The following PRSS48 variants were observed in gnomAD, a reference collection of about 807,000 sequenced individuals.
PRSS48 encodes epidermis-specific serine protease-like protein.
A neutral mutation model predicts 25.6 loss-of-function variants in PRSS48; 21 were observed. The observed-to-expected ratio is 0.82, with a 90% CI of 0.58 to 1.18. The LOEUF (loss-of-function observed/expected upper bound fraction) is 1.18, where lower values mean the gene tolerates loss of function less well. Ranked by LOEUF, PRSS48 falls within the 50% of genes most tolerant of loss-of-function variation. PRSS48 has a pLI of 0.00. For synonymous variants in PRSS48, 150 were observed against 149.3 expected (o/e 1.00, Z -0.04); for missense variants, 373 against 399.3 (o/e 0.93, Z 0.56).
intron 4 of PRSS48, among the ~76,000 whole-genome samples, chr4:151,286,184 G>GAAAAAAAAAA (rs56850648): frequency 3.3e-3 from 288 of 86,264 alleles, no homozygotes; most frequent in Non-Finnish European, 4.2e-3. Flanking sequence ...CTGTCTTAAA[G>GAAAAAAAAAA]AAAAAAAAAA....
At chr4:151,285,600 C>T (rs778647940) in intron 4 of PRSS48, among the ~76,000 whole-genome samples, 13 of 152,116 alleles carry the variant, frequency 8.5e-5, no homozygotes, top group East Asian at 1.9e-4. Flanking sequence ...TAAATGCCTA[C>T]GTTAAACAAT....
At chr4:151,278,768 C>A (rs2150005049) in intron 1 of PRSS48, among the ~76,000 whole-genome samples, 1 of 152,266 alleles carries the variant, frequency 6.6e-6, no homozygotes, top group Middle Eastern at 3.4e-3. Context: ...GTAGCTGGGA[C>A]TACAGGCATG....
chr4:151,280,220 C>CGTAA (rs3056171), intron 2 of PRSS48, among the ~76,000 whole-genome samples: 52,443 of 135,652 alleles, frequency 0.39, 10,182 homozygotes, highest in Non-Finnish European at 0.51. Flanking sequence ...AGATTTTTGT[C>CGTAA]GTGTTTTTGG....
intron 1 of PRSS48, among the ~76,000 whole-genome samples, chr4:151,278,843 G>A (rs1230497406): frequency 6.6e-6 from 1 of 152,156 alleles, no homozygotes; most frequent in East Asian, 1.9e-4. Context: ...ATGTTGCCCA[G>A]GCTGGTTTTG....
At chr4:151,279,181 G>A in intron 1 of PRSS48, 1 of 343,660 alleles carries the variant, frequency 2.9e-6, no homozygotes, top group Non-Finnish European at 5.5e-6. Flanking sequence ...GAGTATACAG[G>A]TCACCAGCAC....
intron 4 of PRSS48, among the ~76,000 whole-genome samples, chr4:151,287,983 A>G (rs1774985399): frequency 6.6e-6 from 1 of 152,216 alleles, no homozygotes; most frequent in African/African-American, 2.4e-5. Context: ...AAATCAATCA[A>G]TGTTAATATA....
intron 3 of PRSS48, among the ~76,000 whole-genome samples, chr4:151,282,712 G>A (rs1265828415): frequency 3.3e-5 from 5 of 152,094 alleles, no homozygotes; most frequent in African/African-American, 9.7e-5. Flanking sequence ...TTTGGAGAGC[G>A]TCTAGTGTTT....
At chr4:151,277,606 A>G (rs1773765684) in intron 1 of PRSS48, among the ~76,000 whole-genome samples, 1 of 152,306 alleles carries the variant, frequency 6.6e-6, no homozygotes, top group Non-Finnish European at 1.5e-5. Flanking sequence ...ATTTGAGCAG[A>G]ACTGAAGGGG....
At chr4:151,282,384 C>A (rs542676890) in exon 3 of PRSS48, 2 of 1,613,744 alleles carry the variant, frequency 1.2e-6, no homozygotes, top group South Asian at 2.2e-5. Context: ...TGTTGGGTGA[C>A]CGGATGGGGA....
At chr4:151,282,032 G>A (rs1774284490) in intron 2 of PRSS48, 116 bp from the exon 3 acceptor site, 4 of 1,027,262 alleles carry the variant, frequency 3.9e-6, no homozygotes, top group Non-Finnish European at 5.8e-6. Flanking sequence ...GAAGCACCAT[G>A]GTTAATTCCC....
intron 4 of PRSS48, among the ~76,000 whole-genome samples, 155 bp from the exon 5 acceptor site, chr4:151,290,963 T>A (rs1461664449): frequency 6.6e-6 from 1 of 152,256 alleles, no homozygotes; most frequent in Non-Finnish European, 1.5e-5. Context: ...ATTCCTGTGA[T>A]ATCTCCCTAA....
exon 3 of PRSS48, chr4:151,282,304 C>A: frequency 4.3e-6 from 7 of 1,613,954 alleles, no homozygotes; most frequent in Non-Finnish European, 5.1e-6. Flanking sequence ...CCTCTCAAGT[C>A]ACCTTCACTT....
intron 4 of PRSS48, among the ~76,000 whole-genome samples, chr4:151,290,720 G>C (rs1266566696): frequency 2.6e-5 from 4 of 152,124 alleles, no homozygotes; most frequent in Non-Finnish European, 5.9e-5. Context: ...AACAAGACTA[G>C]AAGACTACTA....
chr4:151,282,172 T>TG lies in PRSS48; in HGVS notation c.241dup (p.Val81GlyfsTer10). On this transcript the variant is annotated frameshift_variant, in exon 3 of 5. Transcript: ENST00000455694. LOFTEE classifies it high-confidence loss of function. ...GGACCTGGACTACTTTTTCATATAC[T>TG]GTGTGGCTAGGATCGATTACAGTAG... 6.2e-7 allele frequency: 1 copy of TG among 1,613,916 alleles called. No individual in the cohort carries two copies. Among genetic ancestry groups the TG allele is most frequent in the Non-Finnish European group, 8.5e-7 (1 of 1,179,856 alleles).
intron 4 of PRSS48, among the ~76,000 whole-genome samples, chr4:151,286,050 G>C (rs1310930573): frequency 6.7e-6 from 1 of 148,560 alleles, no homozygotes; most frequent in Non-Finnish European, 1.5e-5. Flanking sequence ...AAAAAAATCA[G>C]CCAGGCATGG....
exon 2 of PRSS48, chr4:151,279,848 T>C: frequency 6.2e-7 from 1 of 1,604,840 alleles, no homozygotes. Flanking sequence ...AGGATGCTGC[T>C]GCAGGGCGCT....
chr4:151,283,173 G>A, exon 4 of PRSS48: 1 of 1,613,848 alleles, frequency 6.2e-7, no homozygotes, highest in Non-Finnish European at 8.5e-7. Flanking sequence ...TGACCGCCAG[G>A]CTTGTGAACA....
At chr4:151,285,263 A>G (rs1774634880) in intron 4 of PRSS48, among the ~76,000 whole-genome samples, 2 of 152,164 alleles carry the variant, frequency 1.3e-5, no homozygotes, top group South Asian at 4.2e-4. Flanking sequence ...CCCATAAGAA[A>G]TTTTAAAAAC....
chr4:151,280,908 G>A (rs1486838554), intron 2 of PRSS48, among the ~76,000 whole-genome samples: 1 of 152,100 alleles, frequency 6.6e-6, no homozygotes, highest in Non-Finnish European at 1.5e-5. Flanking sequence ...TCAATCAAAT[G>A]TGGGATAGAA....
Sources: gnomAD v4.1 joint callset for allele counts (sites outside exome capture counted in the v4.1 genomes callset) on GRCh38, gnomAD v4.1.1 for gene constraint, MANE v1.5 for transcripts, NCBI Gene and HGNC (gene_info 2026-07-23, HGNC 2026-07-21) for gene names.